The following GLIS3 variants were observed in gnomAD, a reference collection of about 807,000 sequenced individuals.
GLIS3 encodes zinc finger protein GLIS3.
In GLIS3, 53 loss-of-function variants were observed where a neutral mutation model predicts 78.6. That is an observed-to-expected ratio of 0.67 (90% CI 0.54 to 0.85). The LOEUF (loss-of-function observed/expected upper bound fraction) is 0.85. Among genes scored for constraint, GLIS3 ranks in the 40% least tolerant of loss-of-function variants. The pLI is 0.00. For synonymous variants in GLIS3, 684 were observed against 509.9 expected, an observed-to-expected ratio of 1.34 and a Z score of -4.60; for missense variants, 1,703 against 1,231.1, an observed-to-expected ratio of 1.38 and a Z score of -5.74.
the GLIS3 span, among the ~76,000 whole-genome samples, chr9:4,373,692 G>C: frequency 6.7e-6 from 1 of 149,786 alleles, no homozygotes; most frequent in Admixed American, 6.6e-5. Flanking sequence ...TTTTGAGACG[G>C]AGTCTTGCTC....
intron 2 of GLIS3, among the ~76,000 whole-genome samples, chr9:4,190,358 T>C (rs1226979423): frequency 2.0e-5 from 3 of 151,910 alleles, no homozygotes; most frequent in South Asian, 4.2e-4. Context: ...GAGCTGAAAG[T>C]CAAGGCTCGA....
chr9:4,078,502 C>T (rs1470601743), intron 4 of GLIS3, among the ~76,000 whole-genome samples: 1 of 152,132 alleles, frequency 6.6e-6, no homozygotes, highest in African/African-American at 2.4e-5. Context: ...TCTATGTGGC[C>T]CAGTAACAGC....
chr9:4,052,905 T>A (rs1825840896), intron 4 of GLIS3, among the ~76,000 whole-genome samples: 1 of 152,210 alleles, frequency 6.6e-6, no homozygotes, highest in East Asian at 1.9e-4. Context: ...CCAAATGGTG[T>A]TCCACAGCAG....
intron 2 of GLIS3, among the ~76,000 whole-genome samples, chr9:4,258,016 C>A (rs1825146429): frequency 6.6e-6 from 1 of 152,044 alleles, no homozygotes; most frequent in South Asian, 2.1e-4. Context: ...ACACACAATT[C>A]AAAACAATAC....
At chr9:3,864,808 A>G (rs983798864) in intron 8 of GLIS3, among the ~76,000 whole-genome samples, 39 of 152,200 alleles carry the variant, frequency 2.6e-4, no homozygotes, top group African/African-American at 8.7e-4. Context: ...TTTGGCTCTT[A>G]TAGATGGAAA....
the GLIS3 span, among the ~76,000 whole-genome samples, chr9:4,475,343 T>C: frequency 1.8e-4 from 28 of 152,228 alleles, no homozygotes; most frequent in African/African-American, 6.5e-4. Context: ...CATTAAATAT[T>C]ATGAAAAGGT....
chr9:4,149,044 A>T (rs528543930), intron 2 of GLIS3, among the ~76,000 whole-genome samples: 1 of 152,326 alleles, frequency 6.6e-6, no homozygotes, highest in East Asian at 1.9e-4. Flanking sequence ...ACTCCAAAGG[A>T]GGTGCAGAGT....
intron 2 of GLIS3, among the ~76,000 whole-genome samples, chr9:4,176,657 C>T (rs988547505): frequency 6.6e-6 from 1 of 152,110 alleles, no homozygotes; most frequent in African/African-American, 2.4e-5. Context: ...CAGTTTTGCT[C>T]TTGTCACCCA....
intron 4 of GLIS3, among the ~76,000 whole-genome samples, chr9:3,950,037 C>G (rs1319779170): frequency 1.3e-5 from 2 of 152,232 alleles, no homozygotes; most frequent in African/African-American, 4.8e-5. Flanking sequence ...TCCCCCAGAG[C>G]CTTCACTGCC....
At chr9:4,256,911 C>A (rs917551043) in intron 2 of GLIS3, among the ~76,000 whole-genome samples, 1 of 152,110 alleles carries the variant, frequency 6.6e-6, no homozygotes, top group Non-Finnish European at 1.5e-5. Context: ...TTCACTGAAG[C>A]ATTATTCTCA....
chr9:4,301,344 G>A (rs1817064761), upstream of GLIS3, among the ~76,000 whole-genome samples: 2 of 152,166 alleles, frequency 1.3e-5, no homozygotes, highest in South Asian at 2.1e-4. Context: ...TCAAGCCCAA[G>A]ATGGCAATAG....
chr9:4,485,999 G>T, the GLIS3 span, among the ~76,000 whole-genome samples: 5 of 152,224 alleles, frequency 3.3e-5, no homozygotes, highest in African/African-American at 1.2e-4. Flanking sequence ...TGGGATTACA[G>T]GCGTGAGCCG....
chr9:4,018,880 T>C (rs1822645289), intron 4 of GLIS3, among the ~76,000 whole-genome samples: 1 of 152,202 alleles, frequency 6.6e-6, no homozygotes, highest in South Asian at 2.1e-4. Context: ...TGTTCTCGCT[T>C]AGAAAAGCAA....
rs556028194 is a variant in GLIS3, at chr9:3,994,292, C to T, written c.1711-57103G>A. Among the ~76,000 whole-genome samples the T allele has an allele frequency of 3.9e-5, 6 of 152,324 alleles. No homozygotes were observed. In the South Asian group the frequency reaches 1.0e-3, roughly 26 times the overall value. ...GAAAAATACAAAGCCACTTCAATTG[C>T]CATTTCACAGTACAGCCCATGGCCT... On this transcript the variant is annotated intron_variant, in intron 4 of 10. Coordinates refer to ENST00000381971, the MANE Select transcript of GLIS3 (RefSeq NM_001042413.2).
rs566515222 is a variant in GLIS3 at position 3,902,016 on chromosome 9, G to A, written c.1984-3181C>T. On this transcript the variant is annotated intron_variant, in intron 6 of 10. Coordinates refer to ENST00000381971, the MANE Select transcript of GLIS3 (RefSeq NM_001042413.2). ...GCTTTCTATTACCAACTACTCTAGG[G>A]TTTTATAGTTACCCGTACCAACGAG... Among the ~76,000 whole-genome samples, 4 of 152,270 alleles carry A rather than the reference G, an allele frequency of 2.6e-5. No individual in the cohort carries two copies. The South Asian group carries it at 6.2e-4, about 24-fold the overall frequency.
At chr9:4,464,016 C>T in the GLIS3 span, among the ~76,000 whole-genome samples, 1 of 152,116 alleles carries the variant, frequency 6.6e-6, no homozygotes, top group Non-Finnish European at 1.5e-5. Flanking sequence ...AGAGATGATG[C>T]AATCTAGTGG....
intron 4 of GLIS3, among the ~76,000 whole-genome samples, chr9:4,034,059 TA>T (rs561031379): frequency 0.017 from 2,523 of 145,180 alleles, 24 homozygotes; most frequent in Non-Finnish European, 0.026. Context: ...CCATTTCTAT[TA>T]AAAAAAAAAA....
At chr9:4,338,170 C>A (rs1817781547) in intron 2 of GLIS3, among the ~76,000 whole-genome samples, 1 of 152,048 alleles carries the variant, frequency 6.6e-6, no homozygotes, top group South Asian at 2.1e-4. Flanking sequence ...AGACAAGTTT[C>A]CTTGAACAAG....
intron 8 of GLIS3, among the ~76,000 whole-genome samples, chr9:3,864,134 A>G (rs1278977739): frequency 6.6e-6 from 1 of 152,146 alleles, no homozygotes; most frequent in Non-Finnish European, 1.5e-5. Flanking sequence ...TTGATGTAAA[A>G]AATTCTACTA....
Sources: allele counts gnomAD v4.1 joint callset (sites outside exome capture counted in the v4.1 genomes callset), GRCh38; gene constraint gnomAD v4.1.1; transcripts MANE v1.5; gene names NCBI Gene and HGNC (gene_info 2026-07-23, HGNC 2026-07-21).